The following ADAMTS9 variants were observed in gnomAD, a reference collection of about 807,000 sequenced individuals.
The protein encoded by ADAMTS9 is A disintegrin and metalloproteinase with thrombospondin motifs 9.
A neutral mutation model predicts 257.1 loss-of-function variants in ADAMTS9; 107 were observed. The observed-to-expected ratio is 0.42, with a 90% CI of 0.36 to 0.49. ADAMTS9 has a LOEUF of 0.49. Among genes scored for constraint, ADAMTS9 ranks in the 20% least tolerant of loss-of-function variants. The pLI is 0.03. For synonymous variants in ADAMTS9, 982 were observed against 880.9 expected (o/e 1.11, Z -2.03); for missense variants, 2,353 against 2,469.1 (o/e 0.95, Z 1.00).
At chr3:64,586,822 T>G (rs1319114403) in intron 28 of ADAMTS9, 1 of 152,134 alleles carries the variant, frequency 6.6e-6, no homozygotes, top group Non-Finnish European at 1.5e-5. Context: ...AACAGAGCCC[T>G]GCAAAGCTAA....
intron 12 of ADAMTS9, among the ~76,000 whole-genome samples, chr3:64,638,652 C>G (rs948916802): frequency 6.6e-6 from 1 of 151,996 alleles, no homozygotes; most frequent in East Asian, 1.9e-4. Flanking sequence ...CCTGTAACAC[C>G]ATATATACCA....
chr3:64,608,514 T>C (rs532946741), intron 22 of ADAMTS9, among the ~76,000 whole-genome samples: 7 of 152,110 alleles, frequency 4.6e-5, no homozygotes, highest in Admixed American at 4.6e-4. Context: ...GATGCCAATA[T>C]ATTAGAGAAT....
chr3:64,622,502 G>A lies in ADAMTS9; in HGVS notation c.2474C>T (p.Ala825Val). 1 of 1,614,112 alleles carries A rather than the reference G, an allele frequency of 6.2e-7. No individual in the cohort carries two copies. Among genetic ancestry groups the A allele is most frequent in the Non-Finnish European group, 8.5e-7 (1 of 1,179,998 alleles). ...MAKREIRIGNAVVEYSGSETA... is the reference protein window; with the variant it reads ...MAKREIRIGNVVVEYSGSETA... The stretch of plus-strand genomic sequence containing the variant: ...CTCGGACCCACTGTACTCTACCACA[G>A]CATTCCCAATGCGAATTTCCCTTTT... Residue 825 changes from alanine to valine, a missense_variant, in exon 17 of 40, where the codon GCT becomes GTT. Around this residue, in one of 3 missense-constraint regions of ADAMTS9, gnomAD observed 1,402 missense variants for 1,441.4 expected, o/e 0.97. Coordinates refer to ENST00000498707, the MANE Select transcript of ADAMTS9 (RefSeq NM_182920.2).
At chr3:64,637,896 C>G (rs1196035020) in intron 12 of ADAMTS9, among the ~76,000 whole-genome samples, 1 of 152,228 alleles carries the variant, frequency 6.6e-6, no homozygotes, top group African/African-American at 2.4e-5. Flanking sequence ...TAGTTAATGG[C>G]TCTTCCACAG....
rs150355256 is a variant in ADAMTS9 at position 64,608,616 on chromosome 3, T to C, written c.3355-1537A>G. 3.0e-4 allele frequency among the ~76,000 whole-genome samples: 46 copies of C among 151,924 alleles called. No homozygotes were observed. The East Asian group carries it at 8.3e-3, about 27-fold the overall frequency. On this transcript the variant is annotated intron_variant, in intron 22 of 39. Coordinates refer to ENST00000498707, the MANE Select transcript of ADAMTS9 (RefSeq NM_182920.2). Reference sequence around the variant, plus strand: ...AAGAAATAAAAAATATGAACGGACATATAAGAAGTAAAATGACTGAATCAT... The same window carrying C: ...AAGAAATAAAAAATATGAACGGACACATAAGAAGTAAAATGACTGAATCAT...
At chr3:64,528,350 T>C (rs2082935536) in intron 38 of ADAMTS9, among the ~76,000 whole-genome samples, 2 of 152,210 alleles carry the variant, frequency 1.3e-5, no homozygotes, top group African/African-American at 4.8e-5. Context: ...GTTGAGGGTA[T>C]ACAGCGTTGC....
chr3:64,642,071 C>T, intron 11 of ADAMTS9, 78 bp from the exon 12 acceptor site: 1 of 1,498,936 alleles, frequency 6.7e-7, no homozygotes, highest in Non-Finnish European at 9.2e-7. Context: ...TTTAAACACA[C>T]CATACTGTAA....
chr3:64,517,416 G>GTTTTTTTTTTTTGTT (rs2082789787), intron 39 of ADAMTS9, among the ~76,000 whole-genome samples: 2 of 52,640 alleles, frequency 3.8e-5, no homozygotes, highest in Admixed American at 3.8e-4. Context: ...ATTAAAAATG[G>GTTTTTTTTTTTTGTT]TTTTTTTTTT....
intron 12 of ADAMTS9, among the ~76,000 whole-genome samples, chr3:64,638,024 T>C (rs1254563788): frequency 6.6e-6 from 1 of 152,210 alleles, no homozygotes; most frequent in Non-Finnish European, 1.5e-5. Context: ...AATAGACATA[T>C]GTCTTAAATA....
chr3:64,538,915 T>C (rs894551394), intron 37 of ADAMTS9, among the ~76,000 whole-genome samples: 6 of 152,212 alleles, frequency 3.9e-5, no homozygotes, highest in African/African-American at 1.4e-4. Context: ...CCATAATTTG[T>C]TTAACCAAGC....
At chr3:64,673,325 C>T (rs1298931998) in intron 3 of ADAMTS9, among the ~76,000 whole-genome samples, 1 of 152,088 alleles carries the variant, frequency 6.6e-6, no homozygotes, top group East Asian at 1.9e-4. Context: ...GCTTAATGGC[C>T]CAGGGGCTTT....
Position 64,590,098 on chromosome 3 carries a change from A to G in ADAMTS9, c.4356+4160T>C, listed in dbSNP as rs1301457424. 2.6e-5 allele frequency: 4 copies of G among 152,240 alleles called. 1 individual carries two copies. Among genetic ancestry groups the G allele is most frequent in the African/African-American group, 9.6e-5 (4 of 41,470 alleles). The allele number at this position is 152,240 out of a possible 1,614,324, so 9.4% of individuals were successfully genotyped here. Reference sequence around the variant, plus strand: ...ATGGAGCATGCATATTTCATAGTTGAGATTCAATAATTCAGGACAACAGTA... The same window carrying G: ...ATGGAGCATGCATATTTCATAGTTGGGATTCAATAATTCAGGACAACAGTA... On this transcript the variant is annotated intron_variant, in intron 28 of 39. Coordinates refer to ENST00000498707, the MANE Select transcript of ADAMTS9 (RefSeq NM_182920.2).
At chr3:64,568,669 G>T (rs2083602137) in intron 28 of ADAMTS9, 134 bp from the exon 29 acceptor site, 11 of 1,046,306 alleles carry the variant, frequency 1.1e-5, no homozygotes, top group Non-Finnish European at 1.5e-5. Flanking sequence ...CGCCAGTTTG[G>T]ATAATATCTC....
chr3:64,618,867 A>C (rs1700031615), intron 19 of ADAMTS9, among the ~76,000 whole-genome samples: 1 of 152,130 alleles, frequency 6.6e-6, no homozygotes, highest in African/African-American at 2.4e-5. Flanking sequence ...GTACCTTTTA[A>C]TGTATTAGCT....
At chr3:64,656,767 A>G (rs1476262979) in intron 4 of ADAMTS9, among the ~76,000 whole-genome samples, 1 of 151,992 alleles carries the variant, frequency 6.6e-6, no homozygotes, top group Non-Finnish European at 1.5e-5. Context: ...TGAGAGGGGC[A>G]CGGAGGCCAG....
intron 32 of ADAMTS9, among the ~76,000 whole-genome samples, chr3:64,545,420 A>C (rs185140990): frequency 6.6e-6 from 1 of 152,332 alleles, no homozygotes; most frequent in East Asian, 1.9e-4. Context: ...ATGGAGTACT[A>C]TGCAGCCATA....
intron 30 of ADAMTS9, among the ~76,000 whole-genome samples, chr3:64,559,781 AGT>A (rs1202500666): frequency 6.6e-6 from 1 of 152,248 alleles, no homozygotes; most frequent in Admixed American, 6.5e-5. Context: ...TTGTAAACAG[AGT>A]GTGCATTTTC....
At chr3:64,541,757 CT>C in intron 33 of ADAMTS9, 80 bp downstream of exon 33, 3 of 1,585,570 alleles carry the variant, frequency 1.9e-6, no homozygotes, top group East Asian at 4.5e-5. Flanking sequence ...TTCTATATTT[CT>C]AAAAAGGGCA....
At position 64,649,688 on chromosome 3, in the gene ADAMTS9, A is replaced by G; in HGVS notation, c.1554T>C (p.Asn518=). The G allele has an allele frequency of 6.2e-7, 1 of 1,614,070 alleles. No individual in the cohort carries two copies. The highest frequency in any genetic ancestry group is 8.5e-7 in the Non-Finnish European group (1 of 1,179,972). The change falls in exon 10 of 40, where the codon AAT becomes AAC. Residue 518 remains asparagine, a synonymous_variant. Coordinates refer to ENST00000498707, the MANE Select transcript of ADAMTS9 (RefSeq NM_182920.2). ...GTCCAAAAATCAATTCACATTGTTT[A>G]TTCACGTTGTAAAGGATGCCTGGCA... ...VQLPGILYNV[N]KQCELIFGPG...
Sources: gnomAD v4.1 joint callset for allele counts (sites outside exome capture counted in the v4.1 genomes callset) on GRCh38, gnomAD v4.1.1 for gene constraint, gnomAD v4.1.1 regional missense constraint, MANE v1.5 for transcripts, NCBI Gene and HGNC (gene_info 2026-07-23, HGNC 2026-07-21) for gene names.